CD33: variants seen among roughly 807,000 people sequenced by gnomAD.
The protein encoded by CD33 is CD33 molecule, also known as myeloid cell surface antigen CD33.
Under a neutral mutation model 31.4 loss-of-function variants are expected in CD33, and 25 were observed. The observed-to-expected ratio is 0.80, with a 90% CI of 0.58 to 1.11. CD33 has a LOEUF of 1.11. Among genes scored for constraint, CD33 ranks in the 50% most tolerant of loss-of-function variants. The pLI is 0.00. For synonymous variants in CD33, 176 were observed against 180.6 expected (o/e 0.97, Z 0.20); for missense variants, 407 against 448.1 (o/e 0.91, Z 0.83).
At chr19:51,232,517 T>C (rs1981492024) in intron 4 of CD33, among the ~76,000 whole-genome samples, 1 of 152,208 alleles carries the variant, frequency 6.6e-6, no homozygotes, top group Non-Finnish European at 1.5e-5. Context: ...CATTCTCTTC[T>C]CCTCCTGGAA....
At chr19:51,219,298 G>A in the CD33 span, among the ~76,000 whole-genome samples, 2 of 152,128 alleles carry the variant, frequency 1.3e-5, no homozygotes, top group Non-Finnish European at 2.9e-5. Context: ...AAATGAGATT[G>A]ACTTCTTGAT....
In CD33 at chr19:51,225,966, C is replaced by T. The variant is rs754433647; in HGVS notation, c.582C>T (p.Ser194=). The change falls in exon 3 of 7, where the codon TCC becomes TCT. Residue 194 remains serine, a synonymous_variant. Coordinates refer to ENST00000262262, the MANE Select transcript of CD33 (RefSeq NM_001772.4). The part of the protein sequence containing the change: ...PTSLGPRTTH[S]SVLIITPRPQ... Reference sequence around the variant, plus strand: ...CCCTGGGCCCCAGGACTACTCACTCCTCGGTGCTCATAATCACCCCACGGC... The same window carrying T: ...CCCTGGGCCCCAGGACTACTCACTCTTCGGTGCTCATAATCACCCCACGGC... The T allele has an allele frequency of 2.5e-6, 4 of 1,614,010 alleles. No individual in the cohort carries two copies. The highest frequency in any genetic ancestry group is 2.7e-5 in the African/African-American group (2 of 74,908).
chr19:51,235,253 T>C lies in CD33; in HGVS notation c.842T>C (p.Ile281Thr). 1 of 1,613,562 alleles carries C rather than the reference T, an allele frequency of 6.2e-7. No individual in the cohort carries two copies. Among genetic ancestry groups the C allele is most frequent in the Non-Finnish European group, 8.5e-7 (1 of 1,179,514 alleles). ...CTTTGTCTCTGCCTCATCTTCTTCA[T>C]GTGAGCATTTTCTCTGGGTCAGGCA... Reference protein sequence around the residue: ...LALCLCLIFFIVKTHRRKAAR... With the variant: ...LALCLCLIFFTVKTHRRKAAR... Residue 281 changes from isoleucine (I) to threonine (T), a missense_variant and splice_region_variant, in exon 5 of 7, where the codon ATA becomes ACA. By Grantham distance (89) the Ile-to-Thr change is moderately conservative. Transcript: ENST00000262262.
At chr19:51,228,928 T>A (rs1157149005) in intron 4 of CD33, among the ~76,000 whole-genome samples, 1 of 152,226 alleles carries the variant, frequency 6.6e-6, no homozygotes, top group African/African-American at 2.4e-5. Context: ...GCTAGGACTT[T>A]CAGTACTATG....
intron 5 of CD33, 110 bp from the exon 6 acceptor site, chr19:51,235,485 T>C (rs1244657411): frequency 2.0e-6 from 3 of 1,472,454 alleles, no homozygotes; most frequent in African/African-American, 1.4e-5. Flanking sequence ...GTTTGAGGGC[T>C]CCTGGATTAA....
chr19:51,217,414 GT>G, the CD33 span, among the ~76,000 whole-genome samples: 3,500 of 144,890 alleles, frequency 0.024, 45 homozygotes, highest in African/African-American at 0.039. Context: ...TTGTTGTTTT[GT>G]TTTTTTTTTT....
intron 4 of CD33, among the ~76,000 whole-genome samples, chr19:51,230,798 A>G (rs1981348743): frequency 6.6e-6 from 1 of 152,138 alleles, no homozygotes; most frequent in South Asian, 2.1e-4. Flanking sequence ...TGTTGGTAGA[A>G]GGGCTGAGGC....
chr19:51,212,010 C>T, the CD33 span: 8 of 1,033,822 alleles, frequency 7.7e-6, no homozygotes, highest in East Asian at 2.8e-5. Context: ...CCTCACCTGT[C>T]GAGTGACGTT....
intron 4 of CD33, among the ~76,000 whole-genome samples, chr19:51,230,569 GTTATA>G (rs1231598009): frequency 2.6e-5 from 4 of 152,250 alleles, no homozygotes; most frequent in Middle Eastern, 3.4e-3. Context: ...ATTTACAGTT[GTTATA>G]TTATAGTGCT....
chr19:51,234,151 C>T (rs1484063150), intron 4 of CD33, among the ~76,000 whole-genome samples: 1 of 151,648 alleles, frequency 6.6e-6, no homozygotes, highest in East Asian at 2.0e-4. Context: ...CCTTATTTTT[C>T]ATGAAGAAAT....
rs760819350 is a variant in CD33, at chr19:51,235,583, G to A, written c.843-12G>A. 1.2e-6 allele frequency: 2 copies of A among 1,611,702 alleles called. No homozygotes were observed. The highest frequency in any genetic ancestry group is 2.7e-5 in the African/African-American group (2 of 74,840). ...GAAAACCAGGCTCAAAGACCCTGGTGTCTCCCATCAGAGTGAAGACCCACA... is the reference window on the plus strand; with the variant it reads ...GAAAACCAGGCTCAAAGACCCTGGTATCTCCCATCAGAGTGAAGACCCACA... On this transcript the variant is annotated splice_polypyrimidine_tract_variant and intron_variant, in intron 5 of 6. Coordinates refer to ENST00000262262, the MANE Select transcript of CD33 (RefSeq NM_001772.4).
the CD33 span, among the ~76,000 whole-genome samples, chr19:51,217,397 G>A: frequency 6.6e-6 from 1 of 151,274 alleles, no homozygotes; most frequent in Admixed American, 6.6e-5. Flanking sequence ...TTTTTGTTTT[G>A]TTGTTGTTGT....
Position 51,226,078 on chromosome 19 carries a change from A to G in CD33, c.694A>G (p.Thr232Ala). Residue 232 changes from threonine to alanine, a missense_variant, in exon 3 of 7, where the codon ACC (threonine) becomes GCC (alanine). Thr to Ala is a moderately conservative substitution (Grantham distance 58). Coordinates refer to ENST00000262262, the MANE Select transcript of CD33 (RefSeq NM_001772.4). ...TTERTIQLNV[T>A]YVPQNPTTGI... ...GGAGAGAACCATCCAGCTCAACGTC[A>G]CCTGTAAGTGCTGGGCCAGGATGCT... 1 of 1,613,610 alleles carries G rather than the reference A, an allele frequency of 6.2e-7. No individual in the cohort carries two copies. The highest frequency in any genetic ancestry group is 2.2e-5 in the East Asian group (1 of 44,862).
Position 51,226,034 on chromosome 19 carries a change from C to T in CD33, c.650C>T (p.Ala217Val). The change falls in exon 3 of 7, where the codon GCT becomes GTT. Residue 217 changes from alanine (A) to valine (V), a missense_variant. Physicochemically the swap from Ala to Val is moderately conservative, Grantham distance 64. Transcript: ENST00000262262. ...GTNLTCQVKF[A>V]GAGVTTERTI... ...AACCTGACCTGTCAGGTGAAGTTCG[C>T]TGGAGCTGGTGTGACTACGGAGAGA... 6.2e-7 allele frequency: 1 copy of T among 1,614,112 alleles called. No homozygotes were observed. Among genetic ancestry groups the T allele is most frequent in the Non-Finnish European group, 8.5e-7 (1 of 1,179,984 alleles).
At chr19:51,231,304 G>A (rs760686257) in intron 4 of CD33, among the ~76,000 whole-genome samples, 8 of 152,166 alleles carry the variant, frequency 5.3e-5, no homozygotes, top group Middle Eastern at 3.2e-3. Context: ...CCATACTAGC[G>A]TCGGCCCCCT....
chr19:51,221,411 C>A (rs1239734896), upstream of CD33, among the ~76,000 whole-genome samples: 2 of 152,150 alleles, frequency 1.3e-5, no homozygotes, highest in Non-Finnish European at 2.9e-5. Context: ...GGAGAATAAG[C>A]ATTCTTAGGT....
chr19:51,211,757 C>A, the CD33 span: 1 of 775,352 alleles, frequency 1.3e-6, no homozygotes. Context: ...CCTCAGTCAC[C>A]CCTTCCTGAT....
chr19:51,227,906 G>T (rs564969762), intron 4 of CD33, among the ~76,000 whole-genome samples: 1 of 152,158 alleles, frequency 6.6e-6, no homozygotes, highest in Admixed American at 6.5e-5. Flanking sequence ...TAGGACGAGA[G>T]GTGTGAGTCT....
At chr19:51,217,418 T>G in the CD33 span, among the ~76,000 whole-genome samples, 6 of 151,914 alleles carry the variant, frequency 3.9e-5, no homozygotes, top group Non-Finnish European at 7.4e-5. Flanking sequence ...TGTTTTGTTT[T>G]TTTTTTTTCT....
Sources: gnomAD v4.1 joint callset for allele counts (sites outside exome capture counted in the v4.1 genomes callset) on GRCh38, gnomAD v4.1.1 for gene constraint, MANE v1.5 for transcripts, NCBI Gene and HGNC (gene_info 2026-07-23, HGNC 2026-07-21) for gene names.